The following HIP1 variants were observed in gnomAD, a reference collection of about 807,000 sequenced individuals.
HIP1 encodes the protein huntingtin-interacting protein 1.
HIP1 carries 65 observed loss-of-function variants against 147.6 expected under a neutral mutation model. The observed-to-expected ratio is 0.44, with a 90% CI of 0.36 to 0.54. The LOEUF (loss-of-function observed/expected upper bound fraction) is 0.54, where lower values mean the gene tolerates loss of function less well. Ranked by LOEUF, HIP1 falls within the 20% of genes least tolerant of loss-of-function variation. HIP1 has a pLI of 0.00. For missense variants in HIP1, 1,061 were observed against 1,299.6 expected (o/e 0.82, Z 2.82); for synonymous variants, 479 against 504.0 (o/e 0.95, Z 0.67).
chr7:75,592,399 G>A lies in HIP1; in HGVS notation c.300C>T (p.His100=). The change falls in exon 3 of 31, where the codon CAC becomes CAT. Residue 100 remains histidine (H), a synonymous_variant. Transcript: ENST00000336926. The part of the protein sequence containing the change: ...VLCWKFCHVF[H]KLLRDGHPNV... The stretch of plus-strand genomic sequence containing the variant: ...TCGGGTGTCCATCTCGGAGGAGTTT[G>A]TGGAACACATGGCAGAACTTCCAGC... 1 of 1,611,048 alleles carries A rather than the reference G, an allele frequency of 6.2e-7. No individual in the cohort carries two copies. Among genetic ancestry groups the A allele is most frequent in the Non-Finnish European group, 8.5e-7 (1 of 1,179,268 alleles).
At chr7:75,581,542 G>C (rs1796047513) in intron 6 of HIP1, among the ~76,000 whole-genome samples, 1 of 152,226 alleles carries the variant, frequency 6.6e-6, no homozygotes, top group African/African-American at 2.4e-5. Flanking sequence ...ACTTTGGGAG[G>C]CCGAGGTGGG....
chr7:75,653,981 A>G (rs1052863154), intron 1 of HIP1, among the ~76,000 whole-genome samples: 4 of 152,198 alleles, frequency 2.6e-5, no homozygotes, highest in African/African-American at 9.6e-5. Context: ...CTCGAAAACT[A>G]GTGGGCACCT....
In HIP1 at chr7:75,617,061, C is replaced by T. The variant is rs587595052; in HGVS notation, c.121-17814G>A. On this transcript the variant is annotated intron_variant, in intron 1 of 30. Transcript: ENST00000336926. The stretch of plus-strand genomic sequence containing the variant: ...AGTTGGGAGCACAGGTGCATGCCAC[C>T]ACACCCAGCTAATTTTTTTTTTTTT... 4.0e-3 allele frequency among the ~76,000 whole-genome samples: 605 copies of T among 150,560 alleles called. 6 individuals are homozygous for T. Among genetic ancestry groups the T allele is most frequent in the East Asian group, 4.7e-3 (24 of 5,134 alleles).
intron 1 of HIP1, among the ~76,000 whole-genome samples, chr7:75,700,745 G>A (rs1241363784): frequency 1.3e-5 from 2 of 150,564 alleles, no homozygotes; most frequent in Non-Finnish European, 3.0e-5. Flanking sequence ...TTGCTCTGTC[G>A]CCCAGGCTGG....
chr7:75,545,533 T>A (rs1794522950), intron 25 of HIP1, among the ~76,000 whole-genome samples: 1 of 152,146 alleles, frequency 6.6e-6, no homozygotes, highest in African/African-American at 2.4e-5. Flanking sequence ...TCCCAGCTAC[T>A]CAGGAGGCTG....
Position 75,568,126 on chromosome 7 carries a change from G to T in HIP1, c.803+73C>A. The T allele has an allele frequency of 9.3e-7, 1 of 1,080,244 alleles. No individual in the cohort carries two copies. Among genetic ancestry groups the T allele is most frequent in the Non-Finnish European group, 1.4e-6 (1 of 694,182 alleles). 66.9% of individuals were successfully genotyped at this position (1,080,244 alleles called of 1,614,324 possible). A position where few individuals can be genotyped will look rare whatever the true frequency, so the allele number is the denominator to read the frequency against. ...CCACTGTGTCCAGCCACCTCTCACA[G>T]TGCACTTGCATGGCTTAATGATTTT... On this transcript the variant is annotated intron_variant, in intron 9 of 30. Coordinates refer to ENST00000336926, the MANE Select transcript of HIP1 (RefSeq NM_005338.7). The surrounding 1 kb of genome is among the most constrained non-coding windows in gnomAD (Gnocchi z 4.1).
chr7:75,644,833 G>A (rs1305382888), intron 1 of HIP1, among the ~76,000 whole-genome samples: 2 of 152,166 alleles, frequency 1.3e-5, no homozygotes, highest in Non-Finnish European at 2.9e-5. Context: ...GGGTGAGGGA[G>A]ATCCCAGCCA....
At chr7:75,723,952 A>ATG (rs782030423) in intron 1 of HIP1, among the ~76,000 whole-genome samples, 58 of 89,700 alleles carry the variant, frequency 6.5e-4, no homozygotes, top group Admixed American at 3.8e-3. Flanking sequence ...ATATATATAG[A>ATG]GAGAGAGAGA....
intron 1 of HIP1, among the ~76,000 whole-genome samples, chr7:75,657,283 C>A (rs977436398): frequency 2.1e-4 from 32 of 152,154 alleles, no homozygotes; most frequent in African/African-American, 7.5e-4. Context: ...GTAATCCCAG[C>A]ACTTTGGGAG....
Position 75,533,547 on chromosome 7 carries a change from G to C in HIP1, c.*4625C>G. On this transcript the variant is annotated 3_prime_UTR_variant, in exon 31 of 31. Coordinates refer to ENST00000336926, the MANE Select transcript of HIP1 (RefSeq NM_005338.7). ...ACCCTATCCCTGCAAACTGAAATGT[G>C]AAAGAGTCTGTTATAAGTTTGAGAC... The C allele has an allele frequency of 4.3e-6, 1 of 232,048 alleles. No individual in the cohort carries two copies. The highest frequency in any genetic ancestry group is 6.1e-5 in the East Asian group (1 of 16,414). The allele number at this position is 232,048 out of a possible 1,614,324, so 14.4% of individuals were successfully genotyped here.
chr7:75,698,060 C>T (rs539322419), intron 1 of HIP1, among the ~76,000 whole-genome samples: 1 of 152,252 alleles, frequency 6.6e-6, no homozygotes, highest in East Asian at 1.9e-4. Context: ...AACTCCTGGG[C>T]TCAAGTGATC....
chr7:75,630,458 C>CAAAAA (rs34336932), intron 1 of HIP1, among the ~76,000 whole-genome samples: 1 of 105,260 alleles, frequency 9.5e-6, no homozygotes, highest in Non-Finnish European at 2.0e-5. Flanking sequence ...AGATCCACCT[C>CAAAAA]AAAAAAAAAA....
intron 1 of HIP1, among the ~76,000 whole-genome samples, chr7:75,677,021 C>A (rs1799916073): frequency 6.6e-6 from 1 of 151,416 alleles, no homozygotes; most frequent in African/African-American, 2.4e-5. Flanking sequence ...ATGGTGAAAC[C>A]CCATCTCTAC....
chr7:75,668,674 C>A (rs1441841481), intron 1 of HIP1, among the ~76,000 whole-genome samples: 1 of 152,160 alleles, frequency 6.6e-6, no homozygotes, highest in Admixed American at 6.6e-5. Flanking sequence ...AACCTCCTGG[C>A]CAATGATAGC....
intron 1 of HIP1, among the ~76,000 whole-genome samples, chr7:75,722,898 C>G (rs1801541741): frequency 6.6e-6 from 1 of 152,052 alleles, no homozygotes; most frequent in Non-Finnish European, 1.5e-5. Flanking sequence ...TGCATGAGTG[C>G]CAGGGGTGTA....
At chr7:75,712,661 C>T (rs1563308031) in intron 1 of HIP1, among the ~76,000 whole-genome samples, 1 of 152,170 alleles carries the variant, frequency 6.6e-6, no homozygotes. Flanking sequence ...CATACACATA[C>T]TCCTTTATTC....
At chr7:75,593,766 G>A (rs1554501214) in intron 2 of HIP1, among the ~76,000 whole-genome samples, 1 of 151,766 alleles carries the variant, frequency 6.6e-6, no homozygotes, top group African/African-American at 2.4e-5. Context: ...CATTTAGCCA[G>A]CCTTTTGCTT....
At chr7:75,538,724 A>G (rs1053175060) in intron 30 of HIP1, among the ~76,000 whole-genome samples, 10 of 151,924 alleles carry the variant, frequency 6.6e-5, no homozygotes, top group Non-Finnish European at 1.0e-4. Flanking sequence ...ACAGGCGCCC[A>G]CCACCACGCC....
rs191582310 is a variant in HIP1 at position 75,622,395 on chromosome 7, G to A, written c.121-23148C>T. The stretch of plus-strand genomic sequence containing the variant: ...TCTGGGGACAGCCTGAGGACACCCC[G>A]ACGTTCAGGAGAGACAGGAGGCCAG... On this transcript the variant is annotated intron_variant, in intron 1 of 30. Coordinates refer to ENST00000336926, the MANE Select transcript of HIP1 (RefSeq NM_005338.7). 1.4e-3 allele frequency among the ~76,000 whole-genome samples: 214 copies of A among 151,996 alleles called. 3 individuals carry two copies. Among genetic ancestry groups the A allele is most frequent in the Middle Eastern group, 3.4e-3 (1 of 294 alleles).
Sources: gnomAD v4.1 joint callset for allele counts (sites outside exome capture counted in the v4.1 genomes callset) on GRCh38, gnomAD v4.1.1 for gene constraint, Gnocchi (gnomAD v3.1) non-coding constraint, MANE v1.5 for transcripts, NCBI Gene and HGNC (gene_info 2026-07-23, HGNC 2026-07-21) for gene names.